The following ROPN1 variants were observed in gnomAD, a reference collection of about 807,000 sequenced individuals.
ROPN1 encodes the protein ropporin-1A.
ROPN1 carries 14 observed loss-of-function variants against 20.5 expected under a neutral mutation model. The observed-to-expected ratio is 0.68, with a 90% CI of 0.45 to 1.07. The LOEUF (loss-of-function observed/expected upper bound fraction) is 1.07, where lower values mean the gene tolerates loss of function less well. Among genes scored for constraint, ROPN1 ranks in the 50% least tolerant of loss-of-function variants. The pLI is 0.00. For missense variants in ROPN1, 169 were observed against 242.8 expected (o/e 0.70, Z 2.02); for synonymous variants, 76 against 95.7 (o/e 0.79, Z 1.20).
chr3:123,974,954 C>G (rs1006191356), intron 4 of ROPN1: 2 of 206,020 alleles, frequency 9.7e-6, no homozygotes, highest in African/African-American at 4.7e-5. Context: ...GTTCTGCATC[C>G]AATTCTGTTT....
intron 2 of ROPN1, chr3:123,978,589 T>C (rs1431570223): frequency 6.5e-6 from 1 of 153,800 alleles, no homozygotes; most frequent in Non-Finnish European, 1.5e-5. Context: ...CAAATAAGTA[T>C]ATGTCCTGCC....
chr3:123,969,767 G>A (rs2037877897), intron 5 of ROPN1, among the ~76,000 whole-genome samples: 1 of 152,186 alleles, frequency 6.6e-6, no homozygotes. Flanking sequence ...ATAGGTCCAG[G>A]GTGTAGCCTG....
intron 1 of ROPN1, chr3:123,991,402 T>C (rs995068363): frequency 1.8e-4 from 12 of 67,958 alleles, no homozygotes; most frequent in Admixed American, 1.7e-3. Context: ...AGGTATAAAA[T>C]AATGCGTGAT....
Position 123,978,642 on chromosome 3 carries a change from G to A in ROPN1, c.117-1661C>T, listed in dbSNP as rs562800241. 5 of 153,756 alleles carry A rather than the reference G, an allele frequency of 3.3e-5. No individual in the cohort carries two copies. In the East Asian group the frequency reaches 9.7e-4, roughly 30 times the overall value. 9.5% of individuals were successfully genotyped at this position (153,756 alleles called of 1,614,324 possible). A position where few individuals can be genotyped will look rare whatever the true frequency, so the allele number is the denominator to read the frequency against. ...TTCTTCATTGACAACACATATGTAGGGAAATTCTTACTTGCAATGGATTAA... is the reference window on the plus strand; with the variant it reads ...TTCTTCATTGACAACACATATGTAGAGAAATTCTTACTTGCAATGGATTAA... On this transcript the variant is annotated intron_variant, in intron 2 of 5. Coordinates refer to ENST00000405845, the MANE Select transcript of ROPN1 (RefSeq NM_001317774.2).
chr3:123,985,485 T>A (rs1036296518), intron 1 of ROPN1, among the ~76,000 whole-genome samples: 1 of 152,198 alleles, frequency 6.6e-6, no homozygotes, highest in African/African-American at 2.4e-5. Flanking sequence ...TCATCATTTG[T>A]CCCTAAGAAA....
At chr3:123,975,929 A>C (rs895195733) in intron 3 of ROPN1, among the ~76,000 whole-genome samples, 3 of 152,186 alleles carry the variant, frequency 2.0e-5, no homozygotes, top group African/African-American at 7.2e-5. Context: ...ATGAATGGTA[A>C]AATTAGAACA....
intron 1 of ROPN1, among the ~76,000 whole-genome samples, chr3:123,985,617 CTTGT>C (rs1218989742): frequency 1.3e-5 from 2 of 151,902 alleles, no homozygotes; most frequent in Non-Finnish European, 2.9e-5. Context: ...TTTGTAATGA[CTTGT>C]TTGTTTACAA....
chr3:123,987,346 C>T (rs572551503), intron 1 of ROPN1, among the ~76,000 whole-genome samples: 135 of 152,312 alleles, frequency 8.9e-4, no homozygotes, highest in Non-Finnish European at 1.7e-3. Context: ...GCTTTCTCCC[C>T]CTTCAGCCAA....
intron 4 of ROPN1, among the ~76,000 whole-genome samples, chr3:123,972,274 G>A (rs1441722176): frequency 2.6e-5 from 4 of 152,174 alleles, no homozygotes; most frequent in Admixed American, 2.6e-4. Flanking sequence ...ATGGATGAGT[G>A]TATAAATAAC....
At chr3:123,985,320 A>G (rs2038228897) in intron 1 of ROPN1, among the ~76,000 whole-genome samples, 1 of 152,228 alleles carries the variant, frequency 6.6e-6, no homozygotes. Flanking sequence ...TTTAATTGCA[A>G]TGCATTTATT....
chr3:123,978,602 T>C (rs1048993106), intron 2 of ROPN1: 2 of 153,820 alleles, frequency 1.3e-5, no homozygotes, highest in African/African-American at 4.8e-5. Flanking sequence ...GTCCTGCCGA[T>C]GCCTGGTAAG....
chr3:123,991,150 A>G (rs1323752752), intron 1 of ROPN1: 5 of 149,754 alleles, frequency 3.3e-5, no homozygotes, highest in Non-Finnish European at 7.4e-5. Flanking sequence ...TGTCAGTTCC[A>G]TTGTACATAC....
At chr3:123,969,951 G>T in intron 5 of ROPN1, 91 bp downstream of exon 5, 1 of 1,251,534 alleles carries the variant, frequency 8.0e-7, no homozygotes, top group Non-Finnish European at 1.1e-6. Context: ...TCTGTTTCCA[G>T]AGCAGTATAA....
chr3:123,987,574 CCT>C (rs2038292908), intron 1 of ROPN1, among the ~76,000 whole-genome samples: 1 of 152,112 alleles, frequency 6.6e-6, no homozygotes, highest in Admixed American at 6.5e-5. Context: ...AAAATTATGC[CCT>C]GTCTGACTTT....
chr3:123,969,969 A>G, intron 5 of ROPN1, 73 bp downstream of exon 5: 1 of 1,450,958 alleles, frequency 6.9e-7, no homozygotes, highest in South Asian at 1.2e-5. Flanking sequence ...TAATACAATA[A>G]TCTCACTATC....
At chr3:123,976,256 G>A (rs190236890) in intron 3 of ROPN1, among the ~76,000 whole-genome samples, 125 of 152,272 alleles carry the variant, frequency 8.2e-4, no homozygotes, top group African/African-American at 3.0e-3. Context: ...TGGGACCAAG[G>A]TGGTTAGCCA....
chr3:123,980,181 T>C (rs2038108237), intron 2 of ROPN1, 185 bp downstream of exon 2: 3 of 637,132 alleles, frequency 4.7e-6, no homozygotes, highest in Admixed American at 5.4e-5. Flanking sequence ...CATCCCATCC[T>C]TGCCCAGCTA....
chr3:123,989,860 C>A (rs1181916123), intron 1 of ROPN1, among the ~76,000 whole-genome samples: 1 of 152,184 alleles, frequency 6.6e-6, no homozygotes, highest in Non-Finnish European at 1.5e-5. Flanking sequence ...GCACCAAGCT[C>A]TGGGAAAGGT....
At chr3:123,984,325 C>T (rs927005794) in intron 1 of ROPN1, among the ~76,000 whole-genome samples, 4 of 152,182 alleles carry the variant, frequency 2.6e-5, no homozygotes, top group African/African-American at 9.7e-5. Context: ...AAATCTCTCT[C>T]CCAGGTTCTT....
Sources: allele counts gnomAD v4.1 joint callset (sites outside exome capture counted in the v4.1 genomes callset), GRCh38; gene constraint gnomAD v4.1.1; transcripts MANE v1.5; gene names NCBI Gene and HGNC (gene_info 2026-07-23, HGNC 2026-07-21).